The following ETV1 variants were observed in gnomAD, a reference collection of about 807,000 sequenced individuals.
ETV1 encodes the protein ETS variant transcription factor 1.
ETV1 carries 27 observed loss-of-function variants against 62.3 expected under a neutral mutation model. The observed-to-expected ratio is 0.43, with a 90% CI of 0.32 to 0.60. ETV1 has a LOEUF of 0.60. ETV1 is among the 20% of genes least tolerant of loss of function. ETV1 has a pLI of 0.06. For synonymous variants in ETV1, 222 were observed against 199.6 expected (o/e 1.11, Z -0.94); for missense variants, 605 against 605.8 (o/e 1.00, Z 0.01).
Position 13,931,471 on chromosome 7 carries a change from T to C in ETV1, c.802+31A>G, listed in dbSNP as rs752758835. ...TGACAAGGGAGGTGAAAAAGTGCCT[T>C]GAATGTAATTTGCGCAGAGCGCAGG... is the stretch of plus-strand genomic sequence containing the variant. On this transcript the variant is annotated intron_variant, in intron 9 of 13. Transcript: ENST00000430479. 6 of 1,612,970 alleles carry C rather than the reference T, an allele frequency of 3.7e-6. No individual in the cohort carries two copies. The South Asian group carries it at 6.6e-5, about 18-fold the overall frequency.
chr7:13,921,687 T>C (rs1379390424), intron 9 of ETV1, among the ~76,000 whole-genome samples: 2 of 152,210 alleles, frequency 1.3e-5, no homozygotes, highest in African/African-American at 4.8e-5. Context: ...CAACCTCCAA[T>C]TTCTAATATC....
chr7:13,919,617 A>G (rs987436403), intron 9 of ETV1, among the ~76,000 whole-genome samples: 37 of 151,086 alleles, frequency 2.4e-4, no homozygotes, highest in Admixed American at 1.1e-3. Flanking sequence ...AAGAACAATA[A>G]CCATCTATTT....
At chr7:13,960,234 T>A (rs1275821618) in intron 6 of ETV1, among the ~76,000 whole-genome samples, 3 of 152,170 alleles carry the variant, frequency 2.0e-5, no homozygotes, top group Non-Finnish European at 4.4e-5. Context: ...CTTTCATGGC[T>A]AAATTAATCA....
intron 6 of ETV1, among the ~76,000 whole-genome samples, chr7:13,953,124 T>C (rs781137014): frequency 5.9e-5 from 9 of 152,194 alleles, no homozygotes; most frequent in Non-Finnish European, 8.8e-5. Context: ...CACTATTTTT[T>C]TGGAAACAAA....
intron 5 of ETV1, among the ~76,000 whole-genome samples, chr7:13,981,372 T>C (rs1781967585): frequency 6.6e-6 from 1 of 152,112 alleles, no homozygotes; most frequent in South Asian, 2.1e-4. Flanking sequence ...AATCTTTTCA[T>C]GTCACACCCT....
At chr7:13,940,812 A>G (rs1321096227) in intron 6 of ETV1, among the ~76,000 whole-genome samples, 2 of 152,200 alleles carry the variant, frequency 1.3e-5, no homozygotes, top group Non-Finnish European at 2.9e-5. Flanking sequence ...ACAAACTACC[A>G]AGCTTCAGGA....
intron 6 of ETV1, among the ~76,000 whole-genome samples, chr7:13,961,990 A>G (rs1790220875): frequency 6.6e-6 from 1 of 152,122 alleles, no homozygotes. Context: ...ATTATTTATG[A>G]GTATGAAGAA....
intron 9 of ETV1, 58 bp downstream of exon 9, chr7:13,931,444 T>A: frequency 6.2e-7 from 1 of 1,601,890 alleles, no homozygotes; most frequent in Non-Finnish European, 8.5e-7. Context: ...CACTAACCAA[T>A]GTGACAAGGG....
chr7:13,985,550 A>G (rs1782467122), intron 5 of ETV1: 1 of 152,626 alleles, frequency 6.6e-6, no homozygotes, highest in East Asian at 1.9e-4. Context: ...AGTCTGCCTC[A>G]AAGTAGCTAC....
chr7:13,958,832 TA>T (rs1789807264), intron 6 of ETV1: 2 of 152,328 alleles, frequency 1.3e-5, no homozygotes, highest in South Asian at 4.1e-4. Context: ...AAGATATTTA[TA>T]AAGTGTTTAG....
chr7:13,942,688 T>A (rs1787699528), intron 6 of ETV1, among the ~76,000 whole-genome samples: 1 of 152,122 alleles, frequency 6.6e-6, no homozygotes, highest in Non-Finnish European at 1.5e-5. Flanking sequence ...AAGTATTGGT[T>A]TTACATTTTC....
At chr7:13,948,485 G>A (rs1788424289) in intron 6 of ETV1, among the ~76,000 whole-genome samples, 1 of 152,168 alleles carries the variant, frequency 6.6e-6, no homozygotes, top group South Asian at 2.1e-4. Context: ...CAAAAATCAT[G>A]TTTTAGAATA....
intron 13 of ETV1, among the ~76,000 whole-genome samples, chr7:13,897,820 G>A (rs1302226842): frequency 6.6e-6 from 1 of 152,056 alleles, no homozygotes; most frequent in African/African-American, 2.4e-5. Context: ...AGTATTTGGA[G>A]AAAAAATAAA....
intron 11 of ETV1, among the ~76,000 whole-genome samples, chr7:13,908,896 A>G (rs1161968581): frequency 1.3e-5 from 2 of 152,106 alleles, no homozygotes; most frequent in Non-Finnish European, 2.9e-5. Context: ...AGGAAATATG[A>G]AAACCACTCT....
intron 6 of ETV1, among the ~76,000 whole-genome samples, chr7:13,950,669 T>C (rs1163850708): frequency 6.6e-6 from 1 of 152,076 alleles, no homozygotes; most frequent in African/African-American, 2.4e-5. Context: ...TGGGTAAGTA[T>C]TCCAGATTGG....
chr7:13,971,220 C>T (rs568370389), intron 6 of ETV1, among the ~76,000 whole-genome samples: 23 of 152,326 alleles, frequency 1.5e-4, no homozygotes, highest in Non-Finnish European at 2.5e-4. Flanking sequence ...ATCCGCCTGC[C>T]TCGGCCTCCC....
chr7:13,961,639 A>C (rs1475089514), intron 6 of ETV1, among the ~76,000 whole-genome samples: 1 of 152,190 alleles, frequency 6.6e-6, no homozygotes, highest in East Asian at 1.9e-4. Context: ...ATAAAAAAAA[A>C]CATTGAGGAT....
chr7:13,905,795 G>C (rs1454441140), intron 12 of ETV1, among the ~76,000 whole-genome samples: 1 of 152,142 alleles, frequency 6.6e-6, no homozygotes, highest in Non-Finnish European at 1.5e-5. Flanking sequence ...TTCCAATGGA[G>C]TATGCCAGTC....
chr7:13,931,785 T>C, intron 8 of ETV1, 36 bp from the exon 9 acceptor site: 1 of 1,605,766 alleles, frequency 6.2e-7, no homozygotes, highest in Non-Finnish European at 8.5e-7. Flanking sequence ...GATGAAACGG[T>C]AACATGGAAC....
Sources: allele counts gnomAD v4.1 joint callset (sites outside exome capture counted in the v4.1 genomes callset), GRCh38; gene constraint gnomAD v4.1.1; transcripts MANE v1.5; gene names NCBI Gene and HGNC (gene_info 2026-07-23, HGNC 2026-07-21).